Variants in CCSER1 observed in about 807,000 individuals in gnomAD.
CCSER1 encodes coiled-coil serine rich protein 1.
Under a neutral mutation model 82.0 loss-of-function variants are expected in CCSER1, and 41 were observed. The observed-to-expected ratio is 0.50, with a 90% CI of 0.39 to 0.65. CCSER1 has a LOEUF of 0.65. Ranked by LOEUF, CCSER1 falls within the 30% of genes least tolerant of loss-of-function variation. The probability of loss-of-function intolerance (pLI) is 0.00; values close to 1 mark genes in which losing one functional copy is unlikely to be tolerated. For synonymous variants in CCSER1, 414 were observed against 383.9 expected (o/e 1.08, Z -0.92); for missense variants, 1,119 against 1,064.2 (o/e 1.05, Z -0.72).
At position 90,869,179 on chromosome 4, in the gene CCSER1, T is replaced by A. The variant is rs142861065; in HGVS notation, c.2094+53334T>A. ...TGTCTGTTCATTTTGTTGTTTGTTT[T>A]CTGTGCAGAAGCTTTTTAGCATGAT... On this transcript the variant is annotated intron_variant, in intron 8 of 10. Coordinates refer to ENST00000509176, the MANE Select transcript of CCSER1 (RefSeq NM_001145065.2). Among the ~76,000 whole-genome samples the A allele has an allele frequency of 5.0e-4, 76 of 151,870 alleles. 1 individual carries two copies. In the East Asian group the frequency reaches 0.012, roughly 24 times the overall value.
intron 6 of CCSER1, among the ~76,000 whole-genome samples, chr4:90,721,180 G>A (rs994391269): frequency 1.3e-5 from 2 of 151,808 alleles, no homozygotes; most frequent in African/African-American, 4.8e-5. Context: ...AATAGAAAGG[G>A]AGAGGTGACC....
intron 1 of CCSER1, among the ~76,000 whole-genome samples, chr4:90,218,839 G>A (rs60534314): frequency 0.16 from 24,549 of 150,460 alleles, 2,617 homozygotes; most frequent in East Asian, 0.31. Flanking sequence ...GGACAACATA[G>A]CAAAACCCTG....
At chr4:90,846,462 A>G (rs1763248666) in intron 8 of CCSER1, among the ~76,000 whole-genome samples, 1 of 147,116 alleles carries the variant, frequency 6.8e-6, no homozygotes, top group South Asian at 2.2e-4. Flanking sequence ...ACAATTATAA[A>G]TATGTATAGG....
intron 3 of CCSER1, among the ~76,000 whole-genome samples, chr4:90,380,857 G>C (rs1290595110): frequency 6.6e-6 from 1 of 152,174 alleles, no homozygotes; most frequent in African/African-American, 2.4e-5. Flanking sequence ...AAGGTACTGT[G>C]TTTCTTCTCC....
At chr4:91,522,646 G>A (rs1394637930) in intron 10 of CCSER1, among the ~76,000 whole-genome samples, 1 of 152,158 alleles carries the variant, frequency 6.6e-6, no homozygotes, top group Non-Finnish European at 1.5e-5. Context: ...TTGTGAATGG[G>A]AATGCACTCA....
chr4:90,860,187 C>CAT (rs1009339247), intron 8 of CCSER1, among the ~76,000 whole-genome samples: 4 of 151,452 alleles, frequency 2.6e-5, no homozygotes, highest in African/African-American at 9.7e-5. Flanking sequence ...TTAAAATGGG[C>CAT]ATACCATTTG....
At chr4:91,169,735 T>C (rs1043699452) in intron 10 of CCSER1, among the ~76,000 whole-genome samples, 3 of 151,898 alleles carry the variant, frequency 2.0e-5, no homozygotes, top group Non-Finnish European at 2.9e-5. Flanking sequence ...AAGCTGTATA[T>C]CAACAAGAAA....
At chr4:91,416,598 T>C (rs1196270865) in intron 10 of CCSER1, among the ~76,000 whole-genome samples, 2 of 152,100 alleles carry the variant, frequency 1.3e-5, no homozygotes, top group Non-Finnish European at 2.9e-5. Flanking sequence ...AAACAAGCAA[T>C]GGGGAAAGGA....
intron 6 of CCSER1, among the ~76,000 whole-genome samples, chr4:90,668,740 G>T (rs189688046): frequency 1.3e-5 from 2 of 151,980 alleles, no homozygotes; most frequent in East Asian, 3.9e-4. Flanking sequence ...TGTTATTTTG[G>T]GAATTTTTTA....
intron 5 of CCSER1, among the ~76,000 whole-genome samples, chr4:90,534,467 G>A (rs1775043064): frequency 6.6e-6 from 1 of 151,446 alleles, no homozygotes; most frequent in East Asian, 1.9e-4. Context: ...GTGTGTGTGT[G>A]TGTGTGTGTG....
chr4:91,590,357 C>T (rs1053225814), intron 10 of CCSER1, among the ~76,000 whole-genome samples: 1 of 152,086 alleles, frequency 6.6e-6, no homozygotes, highest in East Asian at 1.9e-4. Context: ...ATTACATCAA[C>T]TTATTACAGG....
chr4:90,286,252 G>T (rs189616206), intron 1 of CCSER1, among the ~76,000 whole-genome samples: 33 of 152,060 alleles, frequency 2.2e-4, no homozygotes, highest in African/African-American at 7.5e-4. Flanking sequence ...TAGCAGTAAA[G>T]CTATCAGGTC....
chr4:90,466,350 GAAC>G (rs1763644937), intron 4 of CCSER1, among the ~76,000 whole-genome samples: 1 of 152,234 alleles, frequency 6.6e-6, no homozygotes, highest in Non-Finnish European at 1.5e-5. Context: ...CATAGGCCAT[GAAC>G]CTGTGAGTAG....
intron 10 of CCSER1, among the ~76,000 whole-genome samples, chr4:91,290,210 T>C (rs1560569314): frequency 6.6e-6 from 1 of 151,936 alleles, no homozygotes; most frequent in East Asian, 1.9e-4. Flanking sequence ...ACCTGCACTA[T>C]GAGAAATGTT....
intron 5 of CCSER1, among the ~76,000 whole-genome samples, chr4:90,528,565 A>G (rs1158058771): frequency 6.6e-6 from 1 of 152,184 alleles, no homozygotes; most frequent in Non-Finnish European, 1.5e-5. Context: ...TCTGGGTTAT[A>G]ATTCATTTAC....
At chr4:91,375,686 C>T (rs1750365295) in intron 10 of CCSER1, among the ~76,000 whole-genome samples, 1 of 152,046 alleles carries the variant, frequency 6.6e-6, no homozygotes, top group Non-Finnish European at 1.5e-5. Flanking sequence ...ATCCCTTTTA[C>T]TTTAGGCTTA....
chr4:90,394,425 G>T (rs74729463), intron 3 of CCSER1, among the ~76,000 whole-genome samples: 4,965 of 152,238 alleles, frequency 0.033, 96 homozygotes, highest in African/African-American at 0.057. Context: ...TGAGTAGTCA[G>T]TATGGCTGAA....
At chr4:90,900,118 A>G (rs922220643) in intron 8 of CCSER1, among the ~76,000 whole-genome samples, 4 of 67,962 alleles carry the variant, frequency 5.9e-5, no homozygotes, top group Admixed American at 5.7e-4. Context: ...TTTTGTAGAT[A>G]TTTTTATTAC....
At chr4:91,175,570 G>C (rs560355996) in intron 10 of CCSER1, among the ~76,000 whole-genome samples, 17 of 152,170 alleles carry the variant, frequency 1.1e-4, no homozygotes, top group Non-Finnish European at 2.1e-4. Flanking sequence ...TCTCTGATGG[G>C]CAGTGATGAT....
Sources: gnomAD v4.1 joint callset for allele counts (sites outside exome capture counted in the v4.1 genomes callset) on GRCh38, gnomAD v4.1.1 for gene constraint, MANE v1.5 for transcripts, NCBI Gene and HGNC (gene_info 2026-07-23, HGNC 2026-07-21) for gene names.